PTK2: variants seen among roughly 807,000 people sequenced by gnomAD.
The protein encoded by PTK2 is focal adhesion kinase 1.
PTK2 carries 45 observed loss-of-function variants against 150.1 expected under a neutral mutation model. That is an observed-to-expected ratio of 0.30 (90% CI 0.24 to 0.38). PTK2 has a LOEUF of 0.38. Among genes scored for constraint, PTK2 ranks in the 10% least tolerant of loss-of-function variants. PTK2 has a pLI of 1.00. For synonymous variants in PTK2, 432 were observed against 449.2 expected, an observed-to-expected ratio of 0.96 and a Z score of 0.48; for missense variants, 919 against 1,307.3, an observed-to-expected ratio of 0.70 and a Z score of 4.58.
At chr8:140,812,532 C>T (rs1566871804) in intron 10 of PTK2, among the ~76,000 whole-genome samples, 1 of 152,222 alleles carries the variant, frequency 6.6e-6, no homozygotes, top group African/African-American at 2.4e-5. Context: ...CAAATCCACA[C>T]ATATCAATAC....
rs575357039 is a variant in PTK2 at position 140,751,016 on chromosome 8, G to A, written c.1417+1216C>T. Among the ~76,000 whole-genome samples the A allele has an allele frequency of 9.8e-4, 149 of 152,196 alleles. 1 individual carries two copies. The highest frequency in any genetic ancestry group is 5.6e-3 in the South Asian group (27 of 4,804). ...TGTAGTACCAGGTATTTGCAGCCCC[G>A]AGATGGGAGGATCCCTTGAGTCCAG... is the stretch of plus-strand genomic sequence containing the variant. On this transcript the variant is annotated intron_variant, in intron 17 of 31. Coordinates refer to ENST00000522684, the Ensembl canonical transcript of PTK2.
At chr8:140,710,175 G>A (rs977563621) in intron 23 of PTK2, among the ~76,000 whole-genome samples, 6 of 151,408 alleles carry the variant, frequency 4.0e-5, no homozygotes, top group Admixed American at 6.6e-5. Flanking sequence ...CAAAAAATAT[G>A]AAAATCAGCT....
At chr8:140,925,099 A>G (rs552288054) in intron 2 of PTK2, among the ~76,000 whole-genome samples, 9 of 152,084 alleles carry the variant, frequency 5.9e-5, no homozygotes, top group African/African-American at 1.9e-4. Flanking sequence ...CCTAACTTTC[A>G]CATTTCTCAT....
intron 28 of PTK2, among the ~76,000 whole-genome samples, chr8:140,674,649 G>T (rs191169811): frequency 6.6e-6 from 1 of 152,250 alleles, no homozygotes; most frequent in East Asian, 1.9e-4. Context: ...TGAGGCAGGA[G>T]AATCGCTTGA....
upstream of PTK2, among the ~76,000 whole-genome samples, chr8:141,001,639 C>T (rs1281310718): frequency 6.6e-6 from 1 of 152,124 alleles, no homozygotes; most frequent in East Asian, 1.9e-4. Flanking sequence ...GAAAGTCCTC[C>T]CCATCTCCTT....
intron 5 of PTK2, among the ~76,000 whole-genome samples, chr8:140,855,681 A>C (rs2100132135): frequency 6.6e-6 from 1 of 152,188 alleles, no homozygotes; most frequent in Non-Finnish European, 1.5e-5. Flanking sequence ...GCAAAACATA[A>C]CATGACAAAG....
chr8:140,853,777 C>T (rs2100130852), intron 5 of PTK2, among the ~76,000 whole-genome samples: 1 of 152,112 alleles, frequency 6.6e-6, no homozygotes, highest in Non-Finnish European at 1.5e-5. Context: ...AGAAAATAAA[C>T]CTTCTAATAA....
Position 140,789,530 on chromosome 8 carries a change from T to C in PTK2, c.1125-4A>G. 1 of 1,612,448 alleles carries C rather than the reference T, an allele frequency of 6.2e-7. No individual in the cohort carries two copies. The highest frequency in any genetic ancestry group is 8.5e-7 in the Non-Finnish European group (1 of 1,179,322). On this transcript the variant is annotated splice_polypyrimidine_tract_variant and splice_region_variant and intron_variant, in intron 13 of 31. Transcript: ENST00000522684. Reference sequence around the variant, plus strand: ...TTGCTTTTCGCTGTTGGCCAACCTGTGACAGACAAGAGCAAAGCTGTAAGC... The same window carrying C: ...TTGCTTTTCGCTGTTGGCCAACCTGCGACAGACAAGAGCAAAGCTGTAAGC...
At chr8:140,709,909 T>A (rs544827292) in intron 23 of PTK2, among the ~76,000 whole-genome samples, 1 of 152,166 alleles carries the variant, frequency 6.6e-6, no homozygotes, top group Non-Finnish European at 1.5e-5. Context: ...CAGTCAGCCC[T>A]CCATATCCAA....
At chr8:140,872,997 ATTCAT>A (rs1172837797) in intron 4 of PTK2, among the ~76,000 whole-genome samples, 3 of 152,208 alleles carry the variant, frequency 2.0e-5, no homozygotes, top group African/African-American at 2.4e-5. Flanking sequence ...CCTGTAGTTC[ATTCAT>A]TTCAACTTGT....
chr8:140,895,377 C>T (rs2100155750), intron 2 of PTK2, among the ~76,000 whole-genome samples: 1 of 152,018 alleles, frequency 6.6e-6, no homozygotes, highest in Admixed American at 6.6e-5. Context: ...AAAAAATCAG[C>T]TGGGCATGGT....
intron 2 of PTK2, among the ~76,000 whole-genome samples, chr8:140,918,637 C>T (rs2100166226): frequency 6.6e-6 from 1 of 152,112 alleles, no homozygotes; most frequent in African/African-American, 2.4e-5. Context: ...CCCCAGAAGG[C>T]TTTAAGGGTA....
chr8:140,773,854 A>C (rs1343648790), intron 14 of PTK2, among the ~76,000 whole-genome samples: 3 of 152,226 alleles, frequency 2.0e-5, no homozygotes, highest in Non-Finnish European at 4.4e-5. Flanking sequence ...CCACTAGTCA[A>C]GAAAAAAATG....
intron 29 of PTK2, chr8:140,668,796 G>T: frequency 5.7e-6 from 1 of 176,168 alleles, no homozygotes; most frequent in Non-Finnish European, 1.2e-5. Flanking sequence ...TACCTATTTG[G>T]CTAAAGAGTC....
At chr8:140,869,050 G>A (rs576223019) in intron 4 of PTK2, among the ~76,000 whole-genome samples, 1 of 152,196 alleles carries the variant, frequency 6.6e-6, no homozygotes, top group South Asian at 2.1e-4. Flanking sequence ...ATATTATATT[G>A]AGAATTTTTA....
chr8:140,864,859 G>C (rs1280160414), intron 4 of PTK2, among the ~76,000 whole-genome samples: 2 of 152,212 alleles, frequency 1.3e-5, no homozygotes, highest in African/African-American at 4.8e-5. Flanking sequence ...TTATGTGTAT[G>C]TGTGGCTCTA....
chr8:140,887,696 T>A (rs1330612425), intron 3 of PTK2, among the ~76,000 whole-genome samples: 2 of 152,100 alleles, frequency 1.3e-5, no homozygotes, highest in African/African-American at 4.8e-5. Flanking sequence ...GTAGTCACAG[T>A]AAAAAAATAA....
chr8:140,923,339 A>G (rs1334687422), intron 2 of PTK2, among the ~76,000 whole-genome samples: 1 of 152,206 alleles, frequency 6.6e-6, no homozygotes, highest in East Asian at 1.9e-4. Context: ...TTATCAAGCA[A>G]CTATAGCTGT....
At chr8:140,669,870 C>T (rs1228020537) in intron 29 of PTK2, 135 bp from the exon 33 acceptor site, 6 of 979,218 alleles carry the variant, frequency 6.1e-6, no homozygotes, top group Non-Finnish European at 7.6e-6. Flanking sequence ...GAGCTAGTTT[C>T]CAAGCCTGCC....
Sources: allele counts gnomAD v4.1 joint callset (sites outside exome capture counted in the v4.1 genomes callset), GRCh38; gene constraint gnomAD v4.1.1; transcripts MANE v1.5; gene names NCBI Gene and HGNC (gene_info 2026-07-23, HGNC 2026-07-21).